MAF: variants seen among roughly 807,000 people sequenced by gnomAD.
The protein encoded by MAF is MAF bZIP transcription factor.
MAF carries 10 observed loss-of-function variants against 22.0 expected under a neutral mutation model. The observed-to-expected ratio is 0.45, with a 90% CI of 0.28 to 0.77. The LOEUF is 0.77. Among genes scored for constraint, MAF ranks in the 30% least tolerant of loss-of-function variants. The pLI is 0.12. For missense variants in MAF, 544 were observed against 548.4 expected (o/e 0.99, Z 0.08); for synonymous variants, 337 against 255.8 (o/e 1.32, Z -3.03).
At chr16:79,508,056 C>G in the MAF span, among the ~76,000 whole-genome samples, 1 of 152,030 alleles carries the variant, frequency 6.6e-6, no homozygotes, top group South Asian at 2.1e-4. Context: ...AGATTTGCAG[C>G]AGGAAAAAGG....
At chr16:79,542,382 G>C in the MAF span, among the ~76,000 whole-genome samples, 1 of 152,182 alleles carries the variant, frequency 6.6e-6, no homozygotes, top group African/African-American at 2.4e-5. Flanking sequence ...TGGTGAGTAA[G>C]TGCCTGTTGG....
At chr16:79,521,120 T>C in the MAF span, among the ~76,000 whole-genome samples, 1 of 152,208 alleles carries the variant, frequency 6.6e-6, no homozygotes, top group African/African-American at 2.4e-5. Flanking sequence ...CGAAAGCGCT[T>C]AGACGTTGTT....
At chr16:79,413,359 C>G in the MAF span, among the ~76,000 whole-genome samples, 1 of 147,696 alleles carries the variant, frequency 6.8e-6, no homozygotes, top group Admixed American at 6.8e-5. Context: ...TCTCCTGCCT[C>G]AGCCTCTCCG....
chr16:79,255,631 T>C, the MAF span, among the ~76,000 whole-genome samples: 3 of 152,172 alleles, frequency 2.0e-5, no homozygotes, highest in Non-Finnish European at 4.4e-5. Context: ...TTCTAAACTC[T>C]TGGTCTGTGG....
the MAF span, among the ~76,000 whole-genome samples, chr16:79,289,794 T>C: frequency 6.6e-6 from 1 of 151,824 alleles, no homozygotes. Flanking sequence ...GTCCAAAGTT[T>C]GTTCTCTTAG....
chr16:79,272,664 C>T, the MAF span, among the ~76,000 whole-genome samples: 1 of 152,196 alleles, frequency 6.6e-6, no homozygotes, highest in African/African-American at 2.4e-5. Flanking sequence ...CACCAAGAGC[C>T]GATACTCTGA....
At chr16:79,593,108 A>T (rs973795071), downstream of MAF, among the ~76,000 whole-genome samples, 1 of 151,970 alleles carries the variant, frequency 6.6e-6, no homozygotes, top group Non-Finnish European at 1.5e-5. Flanking sequence ...AAAAAACAAA[A>T]AGAGAGAGAG....
chr16:79,384,486 G>A, the MAF span, among the ~76,000 whole-genome samples: 1,185 of 149,154 alleles, frequency 7.9e-3, 10 homozygotes, highest in Non-Finnish European at 0.01. Flanking sequence ...GGCCGGGCAT[G>A]GTGGCTCACG....
chr16:79,289,666 G>A, the MAF span, among the ~76,000 whole-genome samples: 13 of 152,022 alleles, frequency 8.6e-5, no homozygotes, highest in Non-Finnish European at 1.9e-4. Context: ...AGCCTGAATG[G>A]GGCACTTGTT....
the MAF span, chr16:79,211,788 T>C: frequency 1.2e-6 from 2 of 1,614,094 alleles, no homozygotes; most frequent in Non-Finnish European, 8.5e-7. Flanking sequence ...TGGCAGCCAG[T>C]CCGGCTAAGT....
At chr16:79,509,793 T>G in the MAF span, among the ~76,000 whole-genome samples, 1 of 152,318 alleles carries the variant, frequency 6.6e-6, no homozygotes, top group East Asian at 1.9e-4. Context: ...AGCACCAAAC[T>G]TATTTTGTTT....
the MAF span, among the ~76,000 whole-genome samples, chr16:79,439,058 C>G: frequency 6.6e-6 from 1 of 152,120 alleles, no homozygotes. Flanking sequence ...TGTCCCCTAG[C>G]TCCAAGAGGC....
chr16:79,545,587 G>A, the MAF span, among the ~76,000 whole-genome samples: 1 of 150,986 alleles, frequency 6.6e-6, no homozygotes, highest in Non-Finnish European at 1.5e-5. Context: ...AGAAATTTTT[G>A]TAAGTATCAC....
chr16:79,553,961 C>A, the MAF span, among the ~76,000 whole-genome samples: 1 of 152,000 alleles, frequency 6.6e-6, no homozygotes, highest in Non-Finnish European at 1.5e-5. Flanking sequence ...TGGTGGTGCA[C>A]ACCTGTAATC....
chr16:79,554,272 C>T, the MAF span, among the ~76,000 whole-genome samples: 1 of 152,144 alleles, frequency 6.6e-6, no homozygotes, highest in Admixed American at 6.5e-5. Context: ...CCCTAATTTA[C>T]AGATGAGGAA....
chr16:79,459,173 A>G, the MAF span, among the ~76,000 whole-genome samples: 1 of 152,220 alleles, frequency 6.6e-6, no homozygotes, highest in Non-Finnish European at 1.5e-5. Flanking sequence ...GCTGGGGTCA[A>G]CTACAGATTT....
At chr16:79,515,541 C>G in the MAF span, among the ~76,000 whole-genome samples, 1 of 152,342 alleles carries the variant, frequency 6.6e-6, no homozygotes, top group Non-Finnish European at 1.5e-5. Flanking sequence ...GTAAGCGAGG[C>G]TAGGCTAGGA....
the MAF span, among the ~76,000 whole-genome samples, chr16:79,578,661 CT>C: frequency 6.6e-6 from 1 of 152,082 alleles, no homozygotes; most frequent in Non-Finnish European, 1.5e-5. Flanking sequence ...CACACAAAGC[CT>C]TTTAAAAAGC....
chr16:79,413,292 G>A, the MAF span, among the ~76,000 whole-genome samples: 1 of 122,420 alleles, frequency 8.2e-6, no homozygotes, highest in Non-Finnish European at 1.6e-5. Context: ...ACCCAGGCTG[G>A]AGTACAGTGG....
Sources: gnomAD v4.1 joint callset for allele counts (sites outside exome capture counted in the v4.1 genomes callset) on GRCh38, gnomAD v4.1.1 for gene constraint, MANE v1.5 for transcripts, NCBI Gene and HGNC (gene_info 2026-07-23, HGNC 2026-07-21) for gene names.